STEAP1B: variants seen among roughly 807,000 people sequenced by gnomAD.
STEAP1B encodes STEAP family protein MGC87042.
In STEAP1B, 13 loss-of-function variants were observed where a neutral mutation model predicts 27.9. That is an observed-to-expected ratio of 0.47 (90% confidence interval 0.30 to 0.74). STEAP1B has a LOEUF of 0.74. Ranked by LOEUF, STEAP1B falls within the 30% of genes least tolerant of loss-of-function variation. The pLI is 0.06. For missense variants in STEAP1B, 250 were observed against 298.7 expected (o/e 0.84, Z 1.20); for synonymous variants, 86 against 107.1 (o/e 0.80, Z 1.22).
intron 4 of STEAP1B, among the ~76,000 whole-genome samples, chr7:22,454,282 G>C (rs567658087): frequency 1.8e-4 from 27 of 152,214 alleles, no homozygotes; most frequent in African/African-American, 6.3e-4. Context: ...TAAAATATTT[G>C]TTCTCCTTTT....
At chr7:22,432,491 G>A (rs1052363167) in intron 4 of STEAP1B, among the ~76,000 whole-genome samples, 13 of 152,146 alleles carry the variant, frequency 8.5e-5, no homozygotes, top group Admixed American at 7.2e-4. Flanking sequence ...TGGGAGGATC[G>A]CTTGAGCCCT....
chr7:22,498,029 G>A (rs151100576), intron 1 of STEAP1B, among the ~76,000 whole-genome samples: 16,255 of 151,430 alleles, frequency 0.11, 1,114 homozygotes, highest in African/African-American at 0.18. Flanking sequence ...CACAACCTAG[G>A]TCCCTTGCAT....
intron 4 of STEAP1B, among the ~76,000 whole-genome samples, chr7:22,480,375 C>T (rs1255537185): frequency 6.6e-6 from 1 of 152,174 alleles, no homozygotes; most frequent in Non-Finnish European, 1.5e-5. Flanking sequence ...TAGTCACAGT[C>T]TGTGAGCGGC....
At chr7:22,442,190 T>C (rs1785344127) in intron 4 of STEAP1B, among the ~76,000 whole-genome samples, 1 of 152,200 alleles carries the variant, frequency 6.6e-6, no homozygotes, top group Admixed American at 6.5e-5. Flanking sequence ...AAGACTGCAG[T>C]GAGCGGAAGT....
chr7:22,489,943 G>A (rs1392249544), intron 4 of STEAP1B, among the ~76,000 whole-genome samples: 1 of 142,406 alleles, frequency 7.0e-6, no homozygotes. Context: ...GAATAAAAGT[G>A]CTGAATTATT....
intron 1 of STEAP1B, among the ~76,000 whole-genome samples, chr7:22,496,213 A>G (rs1283750081): frequency 1.3e-5 from 2 of 152,216 alleles, no homozygotes; most frequent in Non-Finnish European, 2.9e-5. Context: ...ATAGAAAAAA[A>G]GCTTAAGGAG....
intron 4 of STEAP1B, among the ~76,000 whole-genome samples, chr7:22,439,606 T>C (rs148636553): frequency 1.2e-3 from 186 of 152,242 alleles, no homozygotes; most frequent in Non-Finnish European, 2.2e-3. Flanking sequence ...GAATACAAAA[T>C]TTTGGGGGAG....
At chr7:22,474,293 C>T (rs896077606) in intron 4 of STEAP1B, among the ~76,000 whole-genome samples, 1 of 152,176 alleles carries the variant, frequency 6.6e-6, no homozygotes, top group Non-Finnish European at 1.5e-5. Flanking sequence ...TCCTCGGCTG[C>T]CCCTGGGAAT....
chr7:22,494,724 T>C lies in STEAP1B; in HGVS notation c.84+48A>G, dbSNP rs538369926. 6.9e-6 allele frequency: 9 copies of C among 1,295,212 alleles called. No individual in the cohort carries two copies. In the East Asian group the frequency reaches 1.0e-4, roughly 15 times the overall value. 80.2% of individuals were successfully genotyped at this position (1,295,212 alleles called of 1,614,324 possible). ...AGATACAGAATGTCATCGAATTATG[T>C]TTAAAGATGTAAATTATTATTTATT... On this transcript the variant is annotated intron_variant, in intron 2 of 4. Coordinates refer to ENST00000678116, the MANE Select transcript of STEAP1B (RefSeq NM_001382447.1).
chr7:22,465,487 T>C (rs1048827516), intron 4 of STEAP1B, among the ~76,000 whole-genome samples: 1 of 152,350 alleles, frequency 6.6e-6, no homozygotes, highest in Middle Eastern at 3.4e-3. Context: ...CATACTGATA[T>C]GTATCTAGGT....
chr7:22,436,380 G>T (rs542484300), intron 4 of STEAP1B, among the ~76,000 whole-genome samples: 2 of 152,204 alleles, frequency 1.3e-5, no homozygotes, highest in South Asian at 4.1e-4. Context: ...TTGTGTGTGT[G>T]TGTCATGAGA....
intron 4 of STEAP1B, among the ~76,000 whole-genome samples, chr7:22,444,417 C>T (rs1162947556): frequency 2.2e-5 from 3 of 134,976 alleles, no homozygotes; most frequent in Non-Finnish European, 4.9e-5. Context: ...TGCCTGTTTC[C>T]CTGTTTTAAA....
chr7:22,451,137 C>T (rs1032847575), intron 4 of STEAP1B, among the ~76,000 whole-genome samples: 1 of 151,684 alleles, frequency 6.6e-6, no homozygotes, highest in African/African-American at 2.4e-5. Context: ...GCAGAGATTG[C>T]AGTGAGCTGA....
intron 4 of STEAP1B, among the ~76,000 whole-genome samples, chr7:22,427,903 C>T (rs547001169): frequency 6.6e-6 from 1 of 152,290 alleles, no homozygotes; most frequent in Admixed American, 6.5e-5. Flanking sequence ...GAAAGAAAGC[C>T]ATGCATGTTA....
chr7:22,471,465 T>C (rs1041616616), intron 4 of STEAP1B, among the ~76,000 whole-genome samples: 2 of 152,240 alleles, frequency 1.3e-5, no homozygotes, highest in Non-Finnish European at 2.9e-5. Flanking sequence ...TAGCGCTGCC[T>C]ACCTCTTCAA....
chr7:22,428,614 C>T (rs979150982), intron 4 of STEAP1B, among the ~76,000 whole-genome samples: 4 of 151,934 alleles, frequency 2.6e-5, no homozygotes, highest in African/African-American at 7.3e-5. Context: ...AACACAAATG[C>T]AATAATTCTA....
At chr7:22,456,973 T>TATATATATATATATATATATATATATA (rs1554285707) in intron 4 of STEAP1B, among the ~76,000 whole-genome samples, 7 of 59,288 alleles carry the variant, frequency 1.2e-4, no homozygotes, top group East Asian at 1.0e-3. Context: ...TATATATATA[T>TATATATATATATATATATATATATATA]TTTTTTTTTT....
chr7:22,491,086 T>G (rs1786313095), intron 4 of STEAP1B, among the ~76,000 whole-genome samples: 1 of 152,238 alleles, frequency 6.6e-6, no homozygotes, highest in Non-Finnish European at 1.5e-5. Flanking sequence ...AAGTAGCAAC[T>G]CATTTTCTGC....
At chr7:22,452,319 C>G (rs1412601770) in intron 4 of STEAP1B, among the ~76,000 whole-genome samples, 1 of 152,174 alleles carries the variant, frequency 6.6e-6, no homozygotes, top group Non-Finnish European at 1.5e-5. Context: ...ACCCTCCACA[C>G]TCCAATTTGC....
Sources: allele counts gnomAD v4.1 joint callset (sites outside exome capture counted in the v4.1 genomes callset), GRCh38; gene constraint gnomAD v4.1.1; transcripts MANE v1.5; gene names NCBI Gene and HGNC (gene_info 2026-07-23, HGNC 2026-07-21).